ARHGEF4: variants seen among roughly 807,000 people sequenced by gnomAD.
ARHGEF4 encodes APC-stimulated guanine nucleotide exchange factor 1.
Under a neutral mutation model 162.0 loss-of-function variants are expected in ARHGEF4, and 119 were observed. That is an observed-to-expected ratio of 0.73 (90% CI 0.63 to 0.86). The LOEUF is 0.86. Ranked by LOEUF, ARHGEF4 falls within the 40% of genes least tolerant of loss-of-function variation. ARHGEF4 has a pLI of 0.00. For synonymous variants in ARHGEF4, 1,014 were observed against 979.9 expected (o/e 1.03, Z -0.65); for missense variants, 2,488 against 2,456.0 (o/e 1.01, Z -0.28).
At chr2:130,882,724 C>A (rs1679276215) in intron 1 of ARHGEF4, among the ~76,000 whole-genome samples, 1 of 151,890 alleles carries the variant, frequency 6.6e-6, no homozygotes, top group Admixed American at 6.5e-5. Context: ...GGGGACTTCA[C>A]CCGTACCCTC....
At chr2:130,899,603 A>G (rs371941235) in intron 1 of ARHGEF4, among the ~76,000 whole-genome samples, 1 of 152,202 alleles carries the variant, frequency 6.6e-6, no homozygotes, top group African/African-American at 2.4e-5. Context: ...GAGCCGCCAA[A>G]GACTCTAAGC....
At chr2:130,999,160 C>CTTT (rs1249587118) in intron 4 of ARHGEF4, among the ~76,000 whole-genome samples, 3 of 135,956 alleles carry the variant, frequency 2.2e-5, no homozygotes, top group Admixed American at 7.4e-5. Context: ...TTTGTTTTTT[C>CTTT]TTTTTTTTTT....
At chr2:130,879,855 C>T (rs6430392) in intron 1 of ARHGEF4, among the ~76,000 whole-genome samples, 4,037 of 152,176 alleles carry the variant, frequency 0.027, 156 homozygotes, top group African/African-American at 0.091. Flanking sequence ...CTGAGCTCGC[C>T]GCAGCCTTGA....
intron 1 of ARHGEF4, among the ~76,000 whole-genome samples, chr2:130,847,448 A>G (rs1264868316): frequency 1.3e-5 from 2 of 152,216 alleles, no homozygotes; most frequent in African/African-American, 4.8e-5. Flanking sequence ...ATAACTGTGC[A>G]CATTTGGTGT....
chr2:131,033,099 C>T (rs982476148), intron 5 of ARHGEF4, among the ~76,000 whole-genome samples: 4 of 152,070 alleles, frequency 2.6e-5, no homozygotes, highest in Non-Finnish European at 5.9e-5. Context: ...GCGATCTGCC[C>T]GCCTTGGCTT....
intron 4 of ARHGEF4, among the ~76,000 whole-genome samples, chr2:130,996,607 A>C (rs902638682): frequency 4.6e-5 from 7 of 152,236 alleles, no homozygotes; most frequent in Admixed American, 4.6e-4. Flanking sequence ...CAAAAAATCT[A>C]GTGTTGTAAA....
intron 4 of ARHGEF4, among the ~76,000 whole-genome samples, chr2:130,980,785 T>A (rs948438001): frequency 1.3e-5 from 2 of 152,244 alleles, no homozygotes. Context: ...TCACCTTTTT[T>A]AAAATTACTA....
intron 6 of ARHGEF4, chr2:131,039,546 G>C: frequency 5.8e-6 from 6 of 1,034,886 alleles, no homozygotes; most frequent in Non-Finnish European, 7.0e-6. Context: ...CAAGCTGAGG[G>C]CCGTCCGGCG....
At chr2:130,891,729 A>G (rs1679874651) in intron 1 of ARHGEF4, among the ~76,000 whole-genome samples, 1 of 152,130 alleles carries the variant, frequency 6.6e-6, no homozygotes, top group African/African-American at 2.4e-5. Context: ...CACCAGTTCC[A>G]TCAGATGAGG....
rs999252405 is a variant in ARHGEF4, at chr2:130,916,395, C to T, written c.2449C>T (p.Pro817Ser). Residue 817 changes from proline (P) to serine (S), a missense_variant, in exon 2 of 14, where the codon CCG becomes TCG. Pro to Ser is a moderately conservative substitution (Grantham distance 74). Coordinates refer to ENST00000409359, the MANE Select transcript of ARHGEF4 (RefSeq NM_001367493.1). ...TGAGAGCCCAGGAGGGGTCCCGGCC[C>T]CGACCACCGAGGGTCGCCGCTGGGG... ...ATESPGGVPA[P>S]TTEGRRWGSS... 1.4e-5 allele frequency: 22 copies of T among 1,529,750 alleles called. No homozygotes were observed. Among genetic ancestry groups the T allele is most frequent in the Non-Finnish European group, 1.8e-5 (21 of 1,141,746 alleles). 94.8% of individuals were successfully genotyped at this position (1,529,750 alleles called of 1,614,324 possible).
intron 1 of ARHGEF4, among the ~76,000 whole-genome samples, chr2:130,870,161 A>G (rs1288362531): frequency 6.6e-6 from 1 of 152,122 alleles, no homozygotes; most frequent in African/African-American, 2.4e-5. Flanking sequence ...AGGCCTGCCC[A>G]CTGTTTCTTC....
chr2:131,024,076 T>C (rs1485284664), intron 4 of ARHGEF4, among the ~76,000 whole-genome samples: 3 of 152,174 alleles, frequency 2.0e-5, no homozygotes, highest in African/African-American at 7.2e-5. Context: ...GCACTGGTGA[T>C]ACAGTGCCAT....
chr2:130,917,655 A>C lies in ARHGEF4; in HGVS notation c.3552+157A>C, dbSNP rs114487158. Among the ~76,000 whole-genome samples, 1,097 of 151,482 alleles carry C rather than the reference A, an allele frequency of 7.2e-3. 16 individuals carry two copies. Among genetic ancestry groups the C allele is most frequent in the African/African-American group, 0.026 (1,062 of 41,424 alleles). ...AGCCGCCCCCCCTCCCCCAGTGAAC[A>C]CAGCGGGTGACCAACTTCTTGAACG... On this transcript the variant is annotated intron_variant, in intron 2 of 13. Transcript: ENST00000409359.
intron 1 of ARHGEF4, among the ~76,000 whole-genome samples, chr2:130,856,873 G>C (rs566290542): frequency 6.6e-6 from 1 of 152,342 alleles, no homozygotes; most frequent in South Asian, 2.1e-4. Flanking sequence ...CTGCAGTGGA[G>C]CTTAGCAGGT....
intron 4 of ARHGEF4, among the ~76,000 whole-genome samples, chr2:131,017,582 A>G (rs1429939568): frequency 2.0e-5 from 3 of 152,246 alleles, no homozygotes; most frequent in Non-Finnish European, 4.4e-5. Flanking sequence ...CAAGAAAAGT[A>G]GTGACTCCTA....
intron 4 of ARHGEF4, among the ~76,000 whole-genome samples, chr2:130,949,736 A>G (rs1683836654): frequency 6.6e-6 from 1 of 151,906 alleles, no homozygotes; most frequent in Admixed American, 6.6e-5. Context: ...TGCAGCCTCC[A>G]CTTCCTGGGT....
intron 5 of ARHGEF4, chr2:131,034,782 C>A: frequency 6.1e-6 from 1 of 164,732 alleles, no homozygotes; most frequent in Non-Finnish European, 1.3e-5. Context: ...ACTGCTGTGC[C>A]GGCGTGGAGA....
At chr2:130,921,848 C>T (rs551993685) in intron 2 of ARHGEF4, among the ~76,000 whole-genome samples, 25 of 152,048 alleles carry the variant, frequency 1.6e-4, no homozygotes, top group African/African-American at 4.6e-4. Flanking sequence ...CCTGCCACCA[C>T]GCTCAGCTGA....
intron 1 of ARHGEF4, among the ~76,000 whole-genome samples, chr2:130,839,502 C>T (rs1403694061): frequency 6.6e-6 from 1 of 152,172 alleles, no homozygotes. Flanking sequence ...AGACTCTGTA[C>T]AGCACACAGA....
Sources: allele counts gnomAD v4.1 joint callset (sites outside exome capture counted in the v4.1 genomes callset), GRCh38; gene constraint gnomAD v4.1.1; transcripts MANE v1.5; gene names NCBI Gene and HGNC (gene_info 2026-07-23, HGNC 2026-07-21).